Variants in FRMD4A observed in about 807,000 individuals in gnomAD.
FRMD4A encodes the protein FERM domain containing 4A.
In FRMD4A, 29 loss-of-function variants were observed where a neutral mutation model predicts 129.1. The observed-to-expected ratio is 0.22, with a 90% CI of 0.17 to 0.31. The LOEUF is 0.31. Among genes scored for constraint, FRMD4A ranks in the 10% least tolerant of loss-of-function variants. FRMD4A has a pLI of 1.00. For synonymous variants in FRMD4A, 634 were observed against 571.6 expected, an observed-to-expected ratio of 1.11 and a Z score of -1.56; for missense variants, 1,272 against 1,375.8, an observed-to-expected ratio of 0.92 and a Z score of 1.19.
At chr10:13,996,986 G>GCAAAA (rs55648919) in intron 2 of FRMD4A, among the ~76,000 whole-genome samples, 26,745 of 149,390 alleles carry the variant, frequency 0.18, 3,176 homozygotes, top group Non-Finnish European at 0.25. Context: ...AAAAATTGAG[G>GCAAAA]CAAAACAAAA....
rs374372861 is a variant in FRMD4A at position 13,865,408 on chromosome 10, G to A, written c.46-6496C>T. ...TTACTTTATTTTATTTATTTTATTT[G>A]TTTTATTTTATTTTATTTTATTTTA... On this transcript the variant is annotated intron_variant, in intron 2 of 24. Coordinates refer to ENST00000357447, the MANE Select transcript of FRMD4A (RefSeq NM_018027.5). 3.7e-4 allele frequency among the ~76,000 whole-genome samples: 47 copies of A among 127,146 alleles called. 1 individual carries two copies. The South Asian group carries it at 7.8e-3, about 21-fold the overall frequency. 83.4% of individuals were successfully genotyped at this position (127,146 alleles called of 152,430 possible).
At chr10:14,066,336 T>G (rs1053014284) in intron 2 of FRMD4A, among the ~76,000 whole-genome samples, 1 of 150,714 alleles carries the variant, frequency 6.6e-6, no homozygotes, top group African/African-American at 2.4e-5. Flanking sequence ...GTCCCTGTTG[T>G]CCACACAGGG....
intron 2 of FRMD4A, among the ~76,000 whole-genome samples, chr10:13,892,785 T>A (rs2094715809): frequency 6.6e-6 from 1 of 152,190 alleles, no homozygotes; most frequent in Non-Finnish European, 1.5e-5. Flanking sequence ...AAACATCATT[T>A]TCCGGAGACC....
chr10:14,205,530 G>C (rs1383942066), intron 2 of FRMD4A, among the ~76,000 whole-genome samples: 2 of 152,094 alleles, frequency 1.3e-5, no homozygotes, highest in African/African-American at 4.8e-5. Flanking sequence ...TTATGGGCCG[G>C]GTGCGGTGGC....
intron 2 of FRMD4A, among the ~76,000 whole-genome samples, chr10:14,180,689 G>A (rs1379269402): frequency 1.3e-5 from 2 of 152,212 alleles, no homozygotes; most frequent in African/African-American, 2.4e-5. Flanking sequence ...CAAGATGAGA[G>A]TTCCTAAACT....
At chr10:13,699,912 G>C (rs1481938564) in intron 14 of FRMD4A, among the ~76,000 whole-genome samples, 1 of 152,116 alleles carries the variant, frequency 6.6e-6, no homozygotes, top group Admixed American at 6.5e-5. Flanking sequence ...GAGCTGCGGA[G>C]AATACTGTCA....
intron 2 of FRMD4A, among the ~76,000 whole-genome samples, chr10:14,126,625 C>T (rs577546569): frequency 1.3e-5 from 2 of 152,290 alleles, no homozygotes; most frequent in South Asian, 2.1e-4. Context: ...GCATAGAATA[C>T]GTCTTCCCTT....
intron 2 of FRMD4A, among the ~76,000 whole-genome samples, chr10:14,328,057 AC>A (rs1205249806): frequency 6.6e-6 from 1 of 152,194 alleles, no homozygotes; most frequent in African/African-American, 2.4e-5. Context: ...AAAAAATAGC[AC>A]CAAAGTCCAT....
chr10:14,024,849 C>G (rs1832916311), intron 2 of FRMD4A, among the ~76,000 whole-genome samples: 1 of 152,192 alleles, frequency 6.6e-6, no homozygotes, highest in African/African-American at 2.4e-5. Flanking sequence ...TTTATAGGGC[C>G]ACATGTTTTT....
At chr10:13,870,467 G>A (rs375129360) in intron 2 of FRMD4A, among the ~76,000 whole-genome samples, 19 of 152,330 alleles carry the variant, frequency 1.2e-4, no homozygotes, top group East Asian at 1.2e-3. Context: ...ACCTTTGCTT[G>A]GAGGCACATT....
intron 12 of FRMD4A, among the ~76,000 whole-genome samples, chr10:13,717,616 AT>A (rs10593675): frequency 0.03 from 3,935 of 130,232 alleles, 61 homozygotes; most frequent in South Asian, 0.034. Flanking sequence ...ACCCGGCTAA[AT>A]TTTTTTTTTT....
At chr10:14,052,605 C>T (rs1834313444) in intron 2 of FRMD4A, among the ~76,000 whole-genome samples, 1 of 152,160 alleles carries the variant, frequency 6.6e-6, no homozygotes, top group Non-Finnish European at 1.5e-5. Flanking sequence ...GTCACCCAGG[C>T]TGGAGCACAA....
chr10:13,697,768 G>T (rs1365232855), intron 14 of FRMD4A, among the ~76,000 whole-genome samples: 1 of 152,204 alleles, frequency 6.6e-6, no homozygotes, highest in Non-Finnish European at 1.5e-5. Context: ...AAGACGTTTG[G>T]ATTGGGGGCC....
chr10:14,238,471 C>T (rs1381130962), intron 2 of FRMD4A, among the ~76,000 whole-genome samples: 5 of 152,006 alleles, frequency 3.3e-5, no homozygotes, highest in South Asian at 4.2e-4. Context: ...TATCTTTTTC[C>T]GTTCCCCCTT....
At chr10:14,090,114 A>G (rs1836574750) in intron 2 of FRMD4A, among the ~76,000 whole-genome samples, 1 of 152,176 alleles carries the variant, frequency 6.6e-6, no homozygotes, top group Admixed American at 6.5e-5. Flanking sequence ...AGGGATCTAG[A>G]AATAACCGTA....
chr10:14,044,270 G>T (rs959528719), intron 2 of FRMD4A, among the ~76,000 whole-genome samples: 3 of 152,090 alleles, frequency 2.0e-5, no homozygotes, highest in Admixed American at 2.0e-4. Context: ...TATTGTTTTA[G>T]CCGTGTGGCT....
intron 2 of FRMD4A, among the ~76,000 whole-genome samples, chr10:14,222,196 C>T (rs1392597237): frequency 6.6e-6 from 1 of 152,202 alleles, no homozygotes; most frequent in Non-Finnish European, 1.5e-5. Flanking sequence ...ATTCTTTGTG[C>T]ATATAAATCA....
chr10:13,943,024 G>C (rs11258741), intron 2 of FRMD4A, among the ~76,000 whole-genome samples: 24,013 of 152,164 alleles, frequency 0.16, 2,242 homozygotes, highest in Non-Finnish European at 0.2. Context: ...TGAAATATCT[G>C]ATCATAGAAA....
At chr10:13,867,540 T>A (rs1016490254) in intron 2 of FRMD4A, among the ~76,000 whole-genome samples, 1 of 147,300 alleles carries the variant, frequency 6.8e-6, no homozygotes, top group South Asian at 2.1e-4. Flanking sequence ...GGATTACAGA[T>A]GTGAGCCACC....
Sources: gnomAD v4.1 joint callset for allele counts (sites outside exome capture counted in the v4.1 genomes callset) on GRCh38, gnomAD v4.1.1 for gene constraint, MANE v1.5 for transcripts, NCBI Gene and HGNC (gene_info 2026-07-23, HGNC 2026-07-21) for gene names.